The following NFIA variants were observed in gnomAD, a reference collection of about 807,000 sequenced individuals.
NFIA encodes the protein nuclear factor 1 A-type.
A neutral mutation model predicts 62.8 loss-of-function variants in NFIA; 8 were observed. That is an observed-to-expected ratio of 0.13 (90% confidence interval 0.07 to 0.23). The LOEUF is 0.23. Ranked by LOEUF, NFIA falls within the 10% of genes least tolerant of loss-of-function variation. The pLI, the probability that NFIA is intolerant of heterozygous loss-of-function variation, is 1.00. For missense variants in NFIA, 410 were observed against 642.1 expected (o/e 0.64, Z 3.91); for synonymous variants, 235 against 238.1 (o/e 0.99, Z 0.12).
chr1:61,338,023 A>G (rs1661706245), intron 4 of NFIA, among the ~76,000 whole-genome samples: 1 of 152,018 alleles, frequency 6.6e-6, no homozygotes, highest in African/African-American at 2.4e-5. Context: ...AAATACACAC[A>G]GGCCATTGTG....
At chr1:61,230,112 TA>T (rs1654580054) in intron 2 of NFIA, among the ~76,000 whole-genome samples, 1 of 152,134 alleles carries the variant, frequency 6.6e-6, no homozygotes, top group African/African-American at 2.4e-5. Flanking sequence ...AAGGTTTAAT[TA>T]AAAAACATTT....
chr1:61,165,534 A>G (rs1259558198), intron 2 of NFIA, among the ~76,000 whole-genome samples: 8 of 152,206 alleles, frequency 5.3e-5, no homozygotes, highest in South Asian at 2.1e-4. Context: ...AAGGAAAACC[A>G]TATCTGTTTG....
intron 2 of NFIA, among the ~76,000 whole-genome samples, chr1:61,139,419 G>T (rs1647333995): frequency 6.6e-6 from 1 of 152,150 alleles, no homozygotes; most frequent in Non-Finnish European, 1.5e-5. Context: ...GAGCAAATGG[G>T]CCTGTAGCCG....
chr1:61,116,623 G>C (rs546744890), intron 2 of NFIA, among the ~76,000 whole-genome samples: 42 of 152,330 alleles, frequency 2.8e-4, no homozygotes, highest in African/African-American at 1.0e-3. Flanking sequence ...CATCAGCAAA[G>C]TGAATTGCCG....
chr1:61,170,599 C>T (rs540770451), intron 2 of NFIA, among the ~76,000 whole-genome samples: 1 of 152,232 alleles, frequency 6.6e-6, no homozygotes, highest in East Asian at 1.9e-4. Context: ...TGGGAATATG[C>T]CCTCCCCCAC....
intron 9 of NFIA, among the ~76,000 whole-genome samples, chr1:61,421,516 G>A (rs374347142): frequency 5.3e-5 from 8 of 152,340 alleles, no homozygotes; most frequent in Middle Eastern, 6.8e-3. Context: ...CTTCATGTCG[G>A]TTTGTAGGCC....
intron 10 of NFIA, among the ~76,000 whole-genome samples, chr1:61,430,536 T>G (rs1450996329): frequency 6.6e-6 from 1 of 152,222 alleles, no homozygotes; most frequent in African/African-American, 2.4e-5. Flanking sequence ...TCTTTCCATG[T>G]AAATTGGAAA....
At chr1:61,424,520 G>T (rs1039287195) in intron 9 of NFIA, among the ~76,000 whole-genome samples, 2 of 152,110 alleles carry the variant, frequency 1.3e-5, no homozygotes, top group African/African-American at 4.8e-5. Flanking sequence ...TTCAGCGTCT[G>T]TCATCAATCA....
intron 6 of NFIA, among the ~76,000 whole-genome samples, chr1:61,361,702 A>G (rs1663298628): frequency 6.6e-6 from 1 of 152,088 alleles, no homozygotes; most frequent in Admixed American, 6.6e-5. Context: ...AAACGATCAT[A>G]AATTTTAACA....
chr1:61,322,998 C>CA (rs1026338734), intron 3 of NFIA, among the ~76,000 whole-genome samples: 1 of 151,908 alleles, frequency 6.6e-6, no homozygotes, highest in Non-Finnish European at 1.5e-5. Context: ...CAAAAACAAA[C>CA]AAAAAAACAC....
At chr1:61,401,815 G>T (rs571801659) in intron 7 of NFIA, among the ~76,000 whole-genome samples, 1 of 152,088 alleles carries the variant, frequency 6.6e-6, no homozygotes, top group Non-Finnish European at 1.5e-5. Flanking sequence ...TCCATCAGAC[G>T]CAGGGTACCG....
chr1:61,249,496 C>T (rs947123376), intron 2 of NFIA, among the ~76,000 whole-genome samples: 3 of 152,122 alleles, frequency 2.0e-5, no homozygotes, highest in Non-Finnish European at 2.9e-5. Context: ...TGGCCAGATG[C>T]GGTGGCTCAC....
intron 9 of NFIA, among the ~76,000 whole-genome samples, chr1:61,420,990 A>G (rs533869537): frequency 2.6e-5 from 4 of 152,160 alleles, no homozygotes; most frequent in African/African-American, 9.6e-5. Flanking sequence ...CTTTCCCTCC[A>G]CAATTGCCAG....
intron 7 of NFIA, among the ~76,000 whole-genome samples, chr1:61,385,236 C>CAA (rs5774555): frequency 9.5e-5 from 14 of 147,374 alleles, no homozygotes; most frequent in South Asian, 2.2e-4. Context: ...GACTCCATCT[C>CAA]AAAAAAAAAA....
chr1:61,196,843 G>A (rs1652032472), intron 2 of NFIA, among the ~76,000 whole-genome samples: 1 of 151,944 alleles, frequency 6.6e-6, no homozygotes, highest in African/African-American at 2.4e-5. Context: ...TCATAACAGT[G>A]TCAATAGTTA....
At chr1:61,192,354 ATTAGCAAGTT>A (rs968930978) in intron 2 of NFIA, among the ~76,000 whole-genome samples, 45 of 152,210 alleles carry the variant, frequency 3.0e-4, no homozygotes, top group Non-Finnish European at 5.6e-4. Flanking sequence ...AGTCTTCTAA[ATTAGCAAGTT>A]TTAGGCCACC....
At chr1:61,093,347 A>G (rs1174027444) in intron 2 of NFIA, among the ~76,000 whole-genome samples, 2 of 151,648 alleles carry the variant, frequency 1.3e-5, no homozygotes, top group African/African-American at 4.9e-5. Flanking sequence ...TGTATACACA[A>G]TATACACAAT....
chr1:61,234,167 C>T (rs189637622), intron 2 of NFIA, among the ~76,000 whole-genome samples: 19 of 151,772 alleles, frequency 1.3e-4, no homozygotes, highest in African/African-American at 4.6e-4. Context: ...CGGGAGTTTG[C>T]GACCAGCCTG....
intron 2 of NFIA, among the ~76,000 whole-genome samples, chr1:61,205,901 CTTTTTTTTTTTTTTTTT>C (rs199804398): frequency 1.6e-4 from 19 of 122,522 alleles, no homozygotes; most frequent in Non-Finnish European, 1.6e-4. Flanking sequence ...TTTTGCAGCC[CTTTTTTTTTTTTTTTTT>C]TTTTTTTTTT....
Sources: gnomAD v4.1 joint callset for allele counts (sites outside exome capture counted in the v4.1 genomes callset) on GRCh38, gnomAD v4.1.1 for gene constraint, MANE v1.5 for transcripts, NCBI Gene and HGNC (gene_info 2026-07-23, HGNC 2026-07-21) for gene names.